Variants in OSBPL9 observed in about 807,000 individuals in gnomAD.
OSBPL9 encodes the protein oxysterol-binding protein-related protein 9.
A neutral mutation model predicts 106.6 loss-of-function variants in OSBPL9; 40 were observed. The ratio of observed to expected loss-of-function variants is 0.38; its 90% CI spans 0.29 to 0.49. The LOEUF (loss-of-function observed/expected upper bound fraction) is 0.49. Among genes scored for constraint, OSBPL9 ranks in the 20% least tolerant of loss-of-function variants. The pLI is 0.97. For synonymous variants in OSBPL9, 269 were observed against 295.4 expected (o/e 0.91, Z 0.92); for missense variants, 609 against 887.2 (o/e 0.69, Z 3.98).
intron 1 of OSBPL9, among the ~76,000 whole-genome samples, chr1:51,618,893 G>A (rs1379832788): frequency 2.0e-5 from 3 of 152,148 alleles, no homozygotes; most frequent in South Asian, 2.1e-4. Flanking sequence ...TTTCACTACA[G>A]GAAGGAGAAA....
chr1:51,541,576 A>G, the OSBPL9 span, among the ~76,000 whole-genome samples: 5 of 152,316 alleles, frequency 3.3e-5, no homozygotes, highest in East Asian at 9.6e-4. Context: ...TGGCAAGCCC[A>G]TGGGTTGCTT....
chr1:51,671,378 G>A (rs1025273496), intron 3 of OSBPL9, among the ~76,000 whole-genome samples: 11 of 152,112 alleles, frequency 7.2e-5, no homozygotes, highest in Admixed American at 5.2e-4. Flanking sequence ...ATCTTTAAAT[G>A]TGCTGAAGTT....
intron 4 of OSBPL9, among the ~76,000 whole-genome samples, chr1:51,715,886 C>T (rs903228118): frequency 6.6e-6 from 1 of 152,130 alleles, no homozygotes; most frequent in African/African-American, 2.4e-5. Context: ...AACCCTCTGC[C>T]GACTGGCCTT....
chr1:51,519,141 G>A, the OSBPL9 span: 1 of 1,259,684 alleles, frequency 7.9e-7, no homozygotes. Flanking sequence ...CGAAGCTGAG[G>A]GCGGTGGGGG....
intron 1 of OSBPL9, among the ~76,000 whole-genome samples, chr1:51,596,371 C>G (rs564791454): frequency 6.6e-6 from 1 of 151,468 alleles, no homozygotes; most frequent in East Asian, 1.9e-4. Context: ...ACCAGCCTGA[C>G]CAACATGGTG....
chr1:51,742,224 A>G (rs1353163073), intron 4 of OSBPL9, among the ~76,000 whole-genome samples: 6 of 152,124 alleles, frequency 3.9e-5, no homozygotes, highest in African/African-American at 1.2e-4. Context: ...CAAATATTCA[A>G]TTATGATAAA....
the OSBPL9 span, among the ~76,000 whole-genome samples, chr1:51,558,018 T>C: frequency 3.9e-5 from 6 of 152,222 alleles, no homozygotes; most frequent in Admixed American, 6.5e-5. Flanking sequence ...AAAAAAATCA[T>C]GCCTGTAATC....
chr1:51,722,771 G>A (rs1164815286), intron 4 of OSBPL9, among the ~76,000 whole-genome samples: 1 of 152,208 alleles, frequency 6.6e-6, no homozygotes, highest in Non-Finnish European at 1.5e-5. Flanking sequence ...CATGCTTGGT[G>A]GTGTATTTGT....
chr1:51,756,050 C>T (rs773557896), intron 8 of OSBPL9, among the ~76,000 whole-genome samples: 1 of 152,190 alleles, frequency 6.6e-6, no homozygotes, highest in Non-Finnish European at 1.5e-5. Context: ...AATGTGACTA[C>T]AGTTCTACAG....
At chr1:51,635,901 C>A (rs531785222) in intron 1 of OSBPL9, among the ~76,000 whole-genome samples, 4 of 151,900 alleles carry the variant, frequency 2.6e-5, no homozygotes, top group African/African-American at 9.7e-5. Flanking sequence ...ATGATACGCT[C>A]ATTTGGAAGT....
intron 8 of OSBPL9, chr1:51,752,407 C>A: frequency 5.0e-6 from 2 of 397,788 alleles, no homozygotes; most frequent in South Asian, 3.7e-5. Flanking sequence ...TAGCCTATAC[C>A]TCCCACTGGT....
chr1:51,609,072 C>T (rs1415858195), intron 2 of OSBPL9, among the ~76,000 whole-genome samples: 1 of 152,062 alleles, frequency 6.6e-6, no homozygotes, highest in Non-Finnish European at 1.5e-5. Flanking sequence ...CTGTTAATGA[C>T]CTAATTCATA....
intron 3 of OSBPL9, among the ~76,000 whole-genome samples, chr1:51,685,043 C>T (rs1653466324): frequency 1.3e-5 from 2 of 152,078 alleles, no homozygotes; most frequent in East Asian, 3.9e-4. Flanking sequence ...TACAGCCCTT[C>T]CCTAGGCAGT....
intron 4 of OSBPL9, among the ~76,000 whole-genome samples, chr1:51,731,512 G>A (rs932650172): frequency 4.0e-5 from 6 of 151,566 alleles, no homozygotes; most frequent in South Asian, 2.1e-4. Flanking sequence ...TAATTACAGT[G>A]CTGCCTATAA....
At chr1:51,621,321 A>AT (rs900523527) in intron 1 of OSBPL9, among the ~76,000 whole-genome samples, 1 of 151,950 alleles carries the variant, frequency 6.6e-6, no homozygotes. Flanking sequence ...GGCCAACACT[A>AT]TCTCTGCTAA....
intron 4 of OSBPL9, among the ~76,000 whole-genome samples, chr1:51,727,935 C>A (rs1482445537): frequency 6.6e-6 from 1 of 152,104 alleles, no homozygotes; most frequent in African/African-American, 2.4e-5. Flanking sequence ...TGTAAGATAG[C>A]AAGAACTGAC....
chr1:51,552,326 T>C, the OSBPL9 span, among the ~76,000 whole-genome samples: 10 of 152,118 alleles, frequency 6.6e-5, no homozygotes, highest in African/African-American at 2.2e-4. Flanking sequence ...GAATGTATGG[T>C]TTAATAATAA....
At chr1:51,575,704 G>T (rs1380428552), upstream of OSBPL9, among the ~76,000 whole-genome samples, 2 of 152,090 alleles carry the variant, frequency 1.3e-5, no homozygotes, top group Non-Finnish European at 2.9e-5. Context: ...TCCAAAATAT[G>T]CTGCTCTTCC....
intron 1 of OSBPL9, among the ~76,000 whole-genome samples, chr1:51,580,893 TA>T (rs1415876620): frequency 7.2e-3 from 1 of 138 alleles, no homozygotes; most frequent in Non-Finnish European, 0.019. Flanking sequence ...TTCTAGCCAT[TA>T]TATATATATA....
Sources: gnomAD v4.1 joint callset for allele counts (sites outside exome capture counted in the v4.1 genomes callset) on GRCh38, gnomAD v4.1.1 for gene constraint, MANE v1.5 for transcripts, NCBI Gene and HGNC (gene_info 2026-07-23, HGNC 2026-07-21) for gene names.